Variants in SLF2 observed in about 807,000 individuals in gnomAD.
SLF2 encodes the protein SMC5/6 complex localization factor 2.
SLF2 carries 68 observed loss-of-function variants against 124.3 expected under a neutral mutation model. That is an observed-to-expected ratio of 0.55 (90% CI 0.45 to 0.67). SLF2 has a LOEUF of 0.67. SLF2 is among the 30% of genes least tolerant of loss of function. SLF2 has a pLI of 0.00. For missense variants in SLF2, 1,246 were observed against 1,373.7 expected, an observed-to-expected ratio of 0.91 and a Z score of 1.47; for synonymous variants, 480 against 478.8, an observed-to-expected ratio of 1.00 and a Z score of -0.03.
At chr10:100,951,760 T>C (rs1315325751) in intron 17 of SLF2, among the ~76,000 whole-genome samples, 1 of 152,244 alleles carries the variant, frequency 6.6e-6, no homozygotes, top group Non-Finnish European at 1.5e-5. Flanking sequence ...TTCTTTGCCA[T>C]TCCCCTTTTG....
rs1849994895 is a variant in SLF2, at chr10:100,942,238, G to A, written c.2655-1788G>A. The stretch of plus-strand genomic sequence containing the variant: ...CACAAGACTGCCACCACTTCATATG[G>A]AATCACAAGTCTGGGCTTCCTTTTC... On this transcript the variant is annotated intron_variant, in intron 11 of 19. Transcript: ENST00000238961. Among the ~76,000 whole-genome samples, 4 of 152,062 alleles carry A rather than the reference G, an allele frequency of 2.6e-5. No individual in the cohort carries two copies. In the South Asian group the frequency reaches 8.3e-4, roughly 32 times the overall value.
At chr10:100,927,239 A>G (rs550544501) in intron 6 of SLF2, among the ~76,000 whole-genome samples, 3 of 152,172 alleles carry the variant, frequency 2.0e-5, no homozygotes, top group Non-Finnish European at 4.4e-5. Context: ...TACCCTTTAA[A>G]CAATAACTCC....
At chr10:100,919,001 CTTTTTTTTTTT>C (rs528512219) in intron 4 of SLF2, among the ~76,000 whole-genome samples, 11 of 105,706 alleles carry the variant, frequency 1.0e-4, no homozygotes, top group South Asian at 1.0e-3. Flanking sequence ...GAAACATAAT[CTTTTTTTTTTT>C]TTTTTTTTTT....
At chr10:100,945,284 A>T (rs1455056356) in intron 12 of SLF2, 46 bp from the exon 13 acceptor site, 1 of 1,455,384 alleles carries the variant, frequency 6.9e-7, no homozygotes. Context: ...CTAAAAGTAA[A>T]ATATACCTCC....
At chr10:100,946,636 G>A (rs1039243716) in intron 13 of SLF2, among the ~76,000 whole-genome samples, 1 of 151,914 alleles carries the variant, frequency 6.6e-6, no homozygotes, top group African/African-American at 2.4e-5. Flanking sequence ...CAGGTGTTAG[G>A]CTTTTAAAAA....
chr10:100,959,112 C>G (rs758439310), intron 18 of SLF2, among the ~76,000 whole-genome samples: 17 of 152,240 alleles, frequency 1.1e-4, no homozygotes, highest in Non-Finnish European at 2.2e-4. Context: ...TCTGGTTGTT[C>G]AAAAGCCAGC....
Position 100,929,884 on chromosome 10 carries a change from A to C in SLF2, c.2220A>C (p.Pro740=). Residue 740 remains proline, a synonymous_variant, in exon 8 of 20, where the codon CCA becomes CCC. Transcript: ENST00000238961. ...VTIDAIPDHH[P]GEEIFNFLNS... ...TTGATGCTATTCCTGATCATCATCC[A>C]GGTGAAGAAATATTTAATTTCCTCA... 1 of 1,596,710 alleles carries C rather than the reference A, an allele frequency of 6.3e-7. No individual in the cohort carries two copies. Among genetic ancestry groups the C allele is most frequent in the Non-Finnish European group, 8.5e-7 (1 of 1,174,526 alleles).
rs199559055 is a variant in SLF2, at chr10:100,929,786, G to A, written c.2166-44G>A. 57 of 1,424,758 alleles carry A rather than the reference G, an allele frequency of 4.0e-5. No homozygotes were observed. In the East Asian group the frequency reaches 1.3e-3, roughly 33 times the overall value. The allele number at this position is 1,424,758 out of a possible 1,614,324, so 88.3% of individuals were successfully genotyped here. On this transcript the variant is annotated intron_variant, in intron 7 of 19. Coordinates refer to ENST00000238961, the MANE Select transcript of SLF2 (RefSeq NM_018121.4). ...CCAGCTTTTAAATACAAAACTATAT[G>A]TAGTGTAACAATTTGGTATTGATTG...
At chr10:100,957,682 G>A (rs191135405) in intron 18 of SLF2, among the ~76,000 whole-genome samples, 66 of 152,012 alleles carry the variant, frequency 4.3e-4, no homozygotes, top group African/African-American at 1.5e-3. Flanking sequence ...TCTTTGGGTC[G>A]TACAACACCT....
At chr10:100,949,297 G>A (rs1850165781) in intron 15 of SLF2, among the ~76,000 whole-genome samples, 1 of 152,142 alleles carries the variant, frequency 6.6e-6, no homozygotes, top group Non-Finnish European at 1.5e-5. Context: ...CCTAACTTTT[G>A]TTGTTCTGTT....
chr10:100,916,191 G>T, intron 2 of SLF2, 149 bp downstream of exon 2: 3 of 584,854 alleles, frequency 5.1e-6, no homozygotes, highest in African/African-American at 1.9e-5. Context: ...TGTTTTACAA[G>T]GATAAACTGA....
chr10:100,931,185 G>A, intron 9 of SLF2, 107 bp downstream of exon 9: 2 of 807,068 alleles, frequency 2.5e-6, no homozygotes, highest in East Asian at 2.5e-5. Flanking sequence ...AATTAATGTA[G>A]CACATCCATG....
chr10:100,927,240 C>T (rs1196484403), intron 6 of SLF2, among the ~76,000 whole-genome samples: 1 of 152,160 alleles, frequency 6.6e-6, no homozygotes, highest in Non-Finnish European at 1.5e-5. Flanking sequence ...ACCCTTTAAA[C>T]AATAACTCCC....
rs762232995 is a variant in SLF2, at chr10:100,917,309, A to T, written c.915+9A>T. On this transcript the variant is annotated intron_variant, in intron 3 of 19. Transcript: ENST00000238961. ...ATAATCTGTCAAATGTGGTATGTGT[A>T]AGAATTATTGAATTAGCATTGCTAC... 6.3e-7 allele frequency: 1 copy of T among 1,590,682 alleles called. No homozygotes were observed. Among genetic ancestry groups the T allele is most frequent in the Non-Finnish European group, 8.5e-7 (1 of 1,171,338 alleles).
Position 100,916,895 on chromosome 10 carries a change from C to T in SLF2, c.510C>T (p.Ser170=). ...EMKSLKKKHR[S]PERRKSLFIH... ...AGTCACTAAAGAAAAAACATCGATC[C>T]CCAGAGAGAAGGAAGTCACTATTCA... Residue 170 remains serine, a synonymous_variant, in exon 3 of 20, where the codon TCC becomes TCT. Transcript: ENST00000238961. The T allele has an allele frequency of 6.2e-7, 1 of 1,613,994 alleles. No homozygotes were observed. The highest frequency in any genetic ancestry group is 8.5e-7 in the Non-Finnish European group (1 of 1,180,002).
At chr10:100,934,699 A>G (rs1472657719) in intron 9 of SLF2, among the ~76,000 whole-genome samples, 1 of 151,850 alleles carries the variant, frequency 6.6e-6, no homozygotes, top group Non-Finnish European at 1.5e-5. Context: ...TGCAACCTCC[A>G]CATCCCGAAT....
Position 100,915,584 on chromosome 10 carries a change from G to A in SLF2, c.141-415G>A, listed in dbSNP as rs114423677. Among the ~76,000 whole-genome samples the A allele has an allele frequency of 2.6e-3, 392 of 152,038 alleles. 3 individuals carry two copies. Among genetic ancestry groups the A allele is most frequent in the African/African-American group, 9.1e-3 (379 of 41,444 alleles). ...AGCTTGTTATTCTAAATTTTAAAAC[G>A]CAGCTGTGCTTAGATACCAAGTAAT... On this transcript the variant is annotated intron_variant, in intron 1 of 19. Transcript: ENST00000238961.
In SLF2 at chr10:100,939,027, GA is replaced by G. The variant is rs538190790; in HGVS notation, c.2654+299del. Among the ~76,000 whole-genome samples the G allele has an allele frequency of 2.2e-3, 335 of 151,374 alleles. 3 individuals are homozygous for G. The highest frequency in any genetic ancestry group is 6.8e-3 in the Middle Eastern group (2 of 294). On this transcript the variant is annotated intron_variant, in intron 11 of 19. Coordinates refer to ENST00000238961, the MANE Select transcript of SLF2 (RefSeq NM_018121.4). The stretch of plus-strand genomic sequence containing the variant: ...TATTGGCCAAAGTAATTAGACAAGA[GA>G]AAAAAAACAAGAGATACAAAAATTG...
chr10:100,954,179 C>A (rs888373107), intron 17 of SLF2, among the ~76,000 whole-genome samples: 5 of 152,062 alleles, frequency 3.3e-5, no homozygotes, highest in Non-Finnish European at 7.4e-5. Flanking sequence ...AACACCTGAG[C>A]CTGAGGAGGT....
Sources: gnomAD v4.1 joint callset for allele counts (sites outside exome capture counted in the v4.1 genomes callset) on GRCh38, gnomAD v4.1.1 for gene constraint, MANE v1.5 for transcripts, NCBI Gene and HGNC (gene_info 2026-07-23, HGNC 2026-07-21) for gene names.